Variants in FKBP5 observed in about 807,000 individuals in gnomAD.
The protein encoded by FKBP5 is peptidyl-prolyl cis-trans isomerase FKBP5.
In FKBP5, 23 loss-of-function variants were observed where a neutral mutation model predicts 50.5. The observed-to-expected ratio is 0.46, with a 90% CI of 0.33 to 0.65. The LOEUF is 0.65. FKBP5 is among the 30% of genes least tolerant of loss of function. The probability of loss-of-function intolerance (pLI) is 0.02; values close to 1 mark genes in which losing one functional copy is unlikely to be tolerated. For synonymous variants in FKBP5, 176 were observed against 190.6 expected, an observed-to-expected ratio of 0.92 and a Z score of 0.63; for missense variants, 411 against 553.1, an observed-to-expected ratio of 0.74 and a Z score of 2.58.
chr6:35,690,832 C>T (rs981218286), upstream of FKBP5, among the ~76,000 whole-genome samples: 1 of 151,772 alleles, frequency 6.6e-6, no homozygotes, highest in Admixed American at 6.6e-5. Context: ...CATGGAGAAA[C>T]CCCATCTTTA....
At position 35,642,769 on chromosome 6, in the gene FKBP5, G is replaced by C; in HGVS notation, c.56C>G (p.Ala19Gly). ...NNEESPTATV[A>G]EQGEDITSKK... ...GGAGGTAATATCCTCTCCCTGCTCA[G>C]CAACAGTGGCTGTGGGGCTTTCTTC... The change falls in exon 2 of 11, where the codon GCT becomes GGT. Residue 19 changes from alanine (A) to glycine (G), a missense_variant. Around this residue, in one of 3 missense-constraint regions of FKBP5, gnomAD observed 56 missense variants for 58.2 expected, o/e 0.96. Coordinates refer to ENST00000357266, the MANE Select transcript of FKBP5 (RefSeq NM_004117.4). The C allele has an allele frequency of 6.2e-7, 1 of 1,613,980 alleles. No individual in the cohort carries two copies. The highest frequency in any genetic ancestry group is 8.5e-7 in the Non-Finnish European group (1 of 1,179,956).
chr6:35,651,486 T>C (rs1764796848), intron 1 of FKBP5, among the ~76,000 whole-genome samples: 1 of 152,154 alleles, frequency 6.6e-6, no homozygotes, highest in African/African-American at 2.4e-5. Context: ...TTATCAGAGA[T>C]AAGGCCTGAG....
intron 2 of FKBP5, among the ~76,000 whole-genome samples, chr6:35,700,849 C>T (rs994988311): frequency 3.3e-5 from 5 of 152,064 alleles, no homozygotes; most frequent in African/African-American, 1.2e-4. Context: ...ATCCCAGCTA[C>T]TCTGGAGGCT....
At chr6:35,604,941 T>G (rs780825625) in intron 5 of FKBP5, among the ~76,000 whole-genome samples, 20 of 152,054 alleles carry the variant, frequency 1.3e-4, no homozygotes, top group Non-Finnish European at 2.6e-4. Context: ...CCCGCCACCA[T>G]GCCCAGCTAA....
intron 5 of FKBP5, among the ~76,000 whole-genome samples, chr6:35,612,018 G>A (rs749870510): frequency 6.6e-6 from 1 of 152,162 alleles, no homozygotes; most frequent in Non-Finnish European, 1.5e-5. Context: ...ACTGTTATTA[G>A]AGACAATTTT....
chr6:35,663,945 G>A (rs772340524), intron 1 of FKBP5, among the ~76,000 whole-genome samples: 9 of 152,204 alleles, frequency 5.9e-5, no homozygotes, highest in Non-Finnish European at 8.8e-5. Context: ...CGTCCAGACA[G>A]CAAATCTAAT....
intron 1 of FKBP5, among the ~76,000 whole-genome samples, chr6:35,646,009 G>A (rs912891642): frequency 7.2e-5 from 11 of 152,106 alleles, no homozygotes; most frequent in Admixed American, 3.3e-4. Flanking sequence ...CCAGCTACTC[G>A]GGTGGCTGAG....
rs770520834 is a variant in FKBP5 at position 35,577,091 on chromosome 6, T to A, written c.1169A>T (p.Gln390Leu). 6.2e-7 allele frequency: 1 copy of A among 1,614,218 alleles called. No homozygotes were observed. Among genetic ancestry groups the A allele is most frequent in the Non-Finnish European group, 8.5e-7 (1 of 1,180,030 alleles). The part of the protein sequence containing the change: ...VNPQNKAARL[Q>L]ISMCQKKAKE... ...GGCCTTTTTCTGGCACATGGAGATC[T>A]GCAGTCTTGCAGCCTTATTCTGGGG... Residue 390 changes from glutamine to leucine, a missense_variant, in exon 10 of 11, where the codon CAG becomes CTG. Around this residue, in one of 3 missense-constraint regions of FKBP5, gnomAD observed 88 missense variants for 89.0 expected, o/e 0.99. Coordinates refer to ENST00000357266, the MANE Select transcript of FKBP5 (RefSeq NM_004117.4).
intron 1 of FKBP5, among the ~76,000 whole-genome samples, chr6:35,678,107 G>C (rs1044632664): frequency 6.6e-6 from 1 of 152,152 alleles, no homozygotes; most frequent in South Asian, 2.1e-4. Flanking sequence ...AAAAGATAAA[G>C]AGACATAAAG....
chr6:35,592,058 A>C (rs1358923939), intron 6 of FKBP5, among the ~76,000 whole-genome samples: 2 of 152,216 alleles, frequency 1.3e-5, no homozygotes, highest in Non-Finnish European at 2.9e-5. Context: ...TGTCTGGTTC[A>C]CCTGTTTCCC....
chr6:35,688,634 G>A (rs1209815764), intron 1 of FKBP5, 170 bp downstream of exon 1: 1 of 150,592 alleles, frequency 6.6e-6, no homozygotes, highest in Non-Finnish European at 1.5e-5. Flanking sequence ...CGCTCCCCTC[G>A]AGGCTTCCGG....
intron 1 of FKBP5, among the ~76,000 whole-genome samples, chr6:35,682,228 TA>T (rs1056603066): frequency 6.6e-6 from 1 of 152,234 alleles, no homozygotes; most frequent in African/African-American, 2.4e-5. Flanking sequence ...CTTGCTTTTT[TA>T]AAAAAGTTAA....
At chr6:35,631,130 G>C (rs1314488950) in intron 3 of FKBP5, among the ~76,000 whole-genome samples, 1 of 152,170 alleles carries the variant, frequency 6.6e-6, no homozygotes, top group Non-Finnish European at 1.5e-5. Context: ...TACTAGAATG[G>C]CTAAAGTTAA....
At chr6:35,641,084 T>C (rs1764473534) in intron 2 of FKBP5, among the ~76,000 whole-genome samples, 1 of 152,196 alleles carries the variant, frequency 6.6e-6, no homozygotes, top group Non-Finnish European at 1.5e-5. Flanking sequence ...GCTTACATGA[T>C]CCTCCTGCCT....
rs561434391 is a variant in FKBP5 at position 35,619,554 on chromosome 6, A to G, written c.394-344T>C. ...TTTTGTTTGAGGCCACAACTTTCCC[A>G]TCCTGGGTTTATGGAGTTCCCTTCT... is the stretch of plus-strand genomic sequence containing the variant. On this transcript the variant is annotated intron_variant, in intron 4 of 10. Coordinates refer to ENST00000357266, the MANE Select transcript of FKBP5 (RefSeq NM_004117.4). Among the ~76,000 whole-genome samples, 5 of 152,328 alleles carry G rather than the reference A, an allele frequency of 3.3e-5. No individual in the cohort carries two copies. In the South Asian group the frequency reaches 1.0e-3, roughly 32 times the overall value.
intron 6 of FKBP5, among the ~76,000 whole-genome samples, chr6:35,596,873 C>T (rs1762997893): frequency 6.6e-6 from 1 of 152,060 alleles, no homozygotes. Flanking sequence ...CCAAATGCTT[C>T]TTTGACTCCC....
chr6:35,625,430 GTC>G (rs1763964682), intron 3 of FKBP5, among the ~76,000 whole-genome samples: 1 of 151,782 alleles, frequency 6.6e-6, no homozygotes, highest in Admixed American at 6.6e-5. Flanking sequence ...CAGGATCTCA[GTC>G]ATAGGTAACA....
At chr6:35,725,586 G>C (rs529257937) in intron 1 of FKBP5, among the ~76,000 whole-genome samples, 2 of 152,256 alleles carry the variant, frequency 1.3e-5, no homozygotes, top group African/African-American at 4.8e-5. Flanking sequence ...CCCCCAGCAA[G>C]AGTTTAGAAC....
Position 35,718,637 on chromosome 6 carries a change from G to A in FKBP5, c.-20+1691C>T, listed in dbSNP as rs1766553653. ...AATCCCAATTCGGACTCCATAGCAAGCTAAAATGTGGCTTAGTTATTCTCC... is the reference window on the plus strand; with the variant it reads ...AATCCCAATTCGGACTCCATAGCAAACTAAAATGTGGCTTAGTTATTCTCC... On this transcript the variant is annotated intron_variant, in intron 2 of 11. Coordinates refer to the FKBP5 transcript ENST00000536438. 2.6e-5 allele frequency among the ~76,000 whole-genome samples: 4 copies of A among 152,184 alleles called. No homozygotes were observed. The South Asian group carries it at 6.2e-4, about 24-fold the overall frequency.
Sources: gnomAD v4.1 joint callset for allele counts (sites outside exome capture counted in the v4.1 genomes callset) on GRCh38, gnomAD v4.1.1 for gene constraint, gnomAD v4.1.1 regional missense constraint, MANE v1.5 for transcripts, NCBI Gene and HGNC (gene_info 2026-07-23, HGNC 2026-07-21) for gene names.